Variants in ART3 observed in about 807,000 individuals in gnomAD.
ART3 encodes the protein ADP-ribosyltransferase 3 (inactive), also known as ecto-ADP-ribosyltransferase 3.
A neutral mutation model predicts 48.5 loss-of-function variants in ART3; 49 were observed. The ratio of observed to expected loss-of-function variants is 1.01; its 90% CI spans 0.80 to 1.28. The LOEUF (loss-of-function observed/expected upper bound fraction) is 1.28. Among genes scored for constraint, ART3 ranks in the 50% most tolerant of loss-of-function variants. The pLI is 0.00. For missense variants in ART3, 438 were observed against 454.3 expected, an observed-to-expected ratio of 0.96 and a Z score of 0.33; for synonymous variants, 145 against 157.2, an observed-to-expected ratio of 0.92 and a Z score of 0.58.
chr4:76,061,641 C>T (rs1240641898), intron 1 of ART3, among the ~76,000 whole-genome samples: 1 of 152,190 alleles, frequency 6.6e-6, no homozygotes, highest in Admixed American at 6.5e-5. Context: ...CCTCTTTCCT[C>T]CCCAACTTTT....
At chr4:76,048,182 A>G (rs1479264341) in intron 1 of ART3, among the ~76,000 whole-genome samples, 1 of 151,922 alleles carries the variant, frequency 6.6e-6, no homozygotes, top group Admixed American at 6.6e-5. Flanking sequence ...GTAGGATGTA[A>G]ATTGTAAGCT....
chr4:76,092,982 C>G (rs970692409), intron 3 of ART3, among the ~76,000 whole-genome samples: 2 of 152,188 alleles, frequency 1.3e-5, no homozygotes, highest in African/African-American at 4.8e-5. Flanking sequence ...TGACATAAGT[C>G]TTGCTGAGCT....
chr4:76,031,509 T>C (rs1449266936), intron 1 of ART3, among the ~76,000 whole-genome samples: 1 of 152,240 alleles, frequency 6.6e-6, no homozygotes, highest in Non-Finnish European at 1.5e-5. Flanking sequence ...ATTCCCAGAA[T>C]ATTTTCCAAT....
chr4:76,062,106 A>G (rs570047624), intron 1 of ART3, among the ~76,000 whole-genome samples: 1 of 96,684 alleles, frequency 1.0e-5, no homozygotes, highest in African/African-American at 4.0e-5. Context: ...GAAAGTCATT[A>G]TGGATGATGG....
intron 1 of ART3, chr4:76,036,065 C>T: frequency 7.4e-7 from 1 of 1,359,234 alleles, no homozygotes. Flanking sequence ...AGTAGAAATG[C>T]TGAACATGAA....
At position 76,112,487 on chromosome 4, in the gene ART3, GT is replaced by G. The variant is rs761659773; in HGVS notation, c.1141del (p.Ser381LeufsTer3). On this transcript the variant is annotated frameshift_variant, in exon 12 of 12. Transcript: ENST00000355810. LOFTEE classifies it high-confidence loss of function. ...QFGMVIILIS[V>X]SAINLFVAL is the part of the protein sequence containing the mutation. ...TGGGATGGTCATCATTTTAATCAGT[GT>G]TTCTGCTATAAATCTCTTTGTTGCT... is the stretch of plus-strand genomic sequence containing the variant. 4 of 1,613,704 alleles carry G rather than the reference GT, an allele frequency of 2.5e-6. No homozygotes were observed. The African/African-American group carries it at 4.0e-5, about 16-fold the overall frequency.
chr4:76,020,048 G>A (rs1212867639), intron 1 of ART3, among the ~76,000 whole-genome samples: 3 of 151,664 alleles, frequency 2.0e-5, no homozygotes, highest in Non-Finnish European at 4.4e-5. Context: ...AAATGAGGTT[G>A]AACATCTTTG....
At chr4:76,049,461 G>C (rs558456974) in intron 1 of ART3, among the ~76,000 whole-genome samples, 1 of 151,702 alleles carries the variant, frequency 6.6e-6, no homozygotes, top group African/African-American at 2.4e-5. Flanking sequence ...GTCGACCCTC[G>C]GCTCAGCCCA....
chr4:76,035,359 C>A (rs779680726), intron 1 of ART3: 1 of 1,612,360 alleles, frequency 6.2e-7, no homozygotes, highest in Admixed American at 1.7e-5. Flanking sequence ...TAGATCATAG[C>A]ATTAGTTAGT....
At chr4:76,050,915 T>C (rs1205861181) in intron 1 of ART3, among the ~76,000 whole-genome samples, 2 of 152,172 alleles carry the variant, frequency 1.3e-5, no homozygotes, top group Non-Finnish European at 2.9e-5. Context: ...AAGCCCCTCA[T>C]TGCCTGGGGC....
intron 1 of ART3, among the ~76,000 whole-genome samples, chr4:76,044,292 C>A (rs1349056365): frequency 6.6e-6 from 1 of 152,008 alleles, no homozygotes; most frequent in Non-Finnish European, 1.5e-5. Flanking sequence ...CTATCCCCGA[C>A]TGGTTAGTGT....
In ART3 at chr4:76,100,684, T is replaced by C. The variant is rs1449612338; in HGVS notation, c.878-111T>C. The C allele has an allele frequency of 2.3e-6, 3 of 1,294,728 alleles. No individual in the cohort carries two copies. In the African/African-American group the frequency reaches 4.5e-5, roughly 19 times the overall value. The allele number at this position is 1,294,728 out of a possible 1,614,324, so 80.2% of individuals were successfully genotyped here. On this transcript the variant is annotated intron_variant, in intron 6 of 11. Coordinates refer to ENST00000355810, the MANE Select transcript of ART3 (RefSeq NM_001130016.3). ...TTGCATTTTGCAAGATACCTCCCTT[T>C]ACAGGTGGGAATATTTTCATATTTC...
chr4:76,049,808 G>A (rs946944621), intron 1 of ART3, among the ~76,000 whole-genome samples: 1 of 152,002 alleles, frequency 6.6e-6, no homozygotes, highest in African/African-American at 2.4e-5. Flanking sequence ...CGGAATTGGT[G>A]GGTTCTTGGT....
At chr4:76,079,804 T>C (rs1164497624) in intron 2 of ART3, among the ~76,000 whole-genome samples, 1 of 151,708 alleles carries the variant, frequency 6.6e-6, no homozygotes, top group Non-Finnish European at 1.5e-5. Flanking sequence ...AGAAGAGAGA[T>C]GGGAAAGGAG....
intron 1 of ART3, among the ~76,000 whole-genome samples, chr4:76,068,458 G>C (rs1338746833): frequency 1.3e-5 from 2 of 152,180 alleles, no homozygotes; most frequent in Non-Finnish European, 2.9e-5. Context: ...AAAAAAGAAT[G>C]AGATTATGTC....
chr4:76,048,624 G>A (rs58787375), intron 1 of ART3, among the ~76,000 whole-genome samples: 6,893 of 152,066 alleles, frequency 0.045, 262 homozygotes, highest in South Asian at 0.14. Flanking sequence ...ACCCGCAACA[G>A]TCTCTGGACC....
chr4:76,071,673 A>G (rs944423039), upstream of ART3, among the ~76,000 whole-genome samples: 1 of 152,292 alleles, frequency 6.6e-6, no homozygotes, highest in East Asian at 1.9e-4. Flanking sequence ...AGCTTTTAAC[A>G]CATTTGATCT....
At chr4:76,063,642 A>T (rs4333205) in intron 1 of ART3, among the ~76,000 whole-genome samples, 89,120 of 151,998 alleles carry the variant, frequency 0.59, 26,987 homozygotes, top group East Asian at 0.94. Flanking sequence ...CCCAATAGGT[A>T]TTTAAGTAGT....
At position 76,082,006 on chromosome 4, in the gene ART3, C is replaced by A; in HGVS notation, c.252C>A (p.Ile84=). Reference sequence around the variant, plus strand: ...AATGGGCAGCCCGAAAGACTCAAATCTTTCTCCCTATGAATTTTAAGGATA... The same window carrying A: ...AATGGGCAGCCCGAAAGACTCAAATATTTCTCCCTATGAATTTTAAGGATA... ...KAKWAARKTQ[I]FLPMNFKDNH... is the part of the protein sequence containing the mutation. Residue 84 remains isoleucine, a synonymous_variant, in exon 3 of 12, where the codon ATC becomes ATA. Coordinates refer to ENST00000355810, the MANE Select transcript of ART3 (RefSeq NM_001130016.3). 6.2e-7 allele frequency: 1 copy of A among 1,614,190 alleles called. No homozygotes were observed. Among genetic ancestry groups the A allele is most frequent in the Non-Finnish European group, 8.5e-7 (1 of 1,180,030 alleles).
Sources: gnomAD v4.1 joint callset for allele counts (sites outside exome capture counted in the v4.1 genomes callset) on GRCh38, gnomAD v4.1.1 for gene constraint, MANE v1.5 for transcripts, NCBI Gene and HGNC (gene_info 2026-07-23, HGNC 2026-07-21) for gene names.